Variants in CNNM4 observed in about 807,000 individuals in gnomAD.
CNNM4 encodes the protein metal transporter CNNM4.
CNNM4 carries 32 observed loss-of-function variants against 53.7 expected under a neutral mutation model. That is an observed-to-expected ratio of 0.60 (90% CI 0.45 to 0.80). CNNM4 has a LOEUF of 0.80. CNNM4 is among the 30% of genes least tolerant of loss of function. The pLI, the probability that CNNM4 is intolerant of heterozygous loss-of-function variation, is 0.00. For synonymous variants in CNNM4, 410 were observed against 440.0 expected, an observed-to-expected ratio of 0.93 and a Z score of 0.85; for missense variants, 784 against 1,022.0, an observed-to-expected ratio of 0.77 and a Z score of 3.17.
chr2:96,791,061 A>G (rs1191906450), intron 1 of CNNM4, among the ~76,000 whole-genome samples: 2 of 151,072 alleles, frequency 1.3e-5, no homozygotes, highest in Admixed American at 1.3e-4. Context: ...TGGAGGTTGC[A>G]GTAAGCTGAG....
chr2:96,805,418 G>GTTTTTTTTTTTTTTTTTTTTTTTTTTTTT (rs898761608), intron 5 of CNNM4, among the ~76,000 whole-genome samples: 3 of 76,156 alleles, frequency 3.9e-5, no homozygotes, highest in Non-Finnish European at 5.3e-5. Flanking sequence ...CTTCTTTTCA[G>GTTTTTTTTTTTTTTTTTTTTTTTTTTTTT]TTTTTTTTTT....
intron 1 of CNNM4, 100 bp from the exon 2 acceptor site, chr2:96,796,912 C>A: frequency 8.1e-7 from 1 of 1,227,106 alleles, no homozygotes; most frequent in Admixed American, 1.9e-5. Context: ...TGACCCCATC[C>A]TGGTGACTTA....
At chr2:96,774,850 A>G (rs1044618832) in intron 1 of CNNM4, among the ~76,000 whole-genome samples, 4 of 151,540 alleles carry the variant, frequency 2.6e-5, no homozygotes, top group Non-Finnish European at 4.4e-5. Context: ...ACTCCCAGCT[A>G]CTTGGGAGGC....
At chr2:96,792,245 CAAA>C (rs541024962) in intron 1 of CNNM4, among the ~76,000 whole-genome samples, 1 of 51,290 alleles carries the variant, frequency 1.9e-5, no homozygotes. Context: ...GACTCCAGCT[CAAA>C]AAAAAAAAAA....
intron 1 of CNNM4, among the ~76,000 whole-genome samples, chr2:96,794,099 T>C (rs1362915728): frequency 1.3e-5 from 2 of 152,144 alleles, no homozygotes; most frequent in East Asian, 1.9e-4. Context: ...TTTCTGACTT[T>C]GGGGGTCTGA....
rs2079257899 is a variant in CNNM4, at chr2:96,811,544, C to T, written c.*2027C>T. On this transcript the variant is annotated 3_prime_UTR_variant, in exon 7 of 7. Transcript: ENST00000377075. ...CCAAATATTGTTTGTCTGATGACTT[C>T]CTCTTCCCAGTGCAATTTTTCCCTT... is the stretch of plus-strand genomic sequence containing the variant. 1 of 152,590 alleles carries T rather than the reference C, an allele frequency of 6.6e-6. No individual in the cohort carries two copies. Among genetic ancestry groups the T allele is most frequent in the African/African-American group, 2.4e-5 (1 of 41,412 alleles). 9.5% of individuals were successfully genotyped at this position (152,590 alleles called of 1,614,324 possible). A position where few individuals can be genotyped will look rare whatever the true frequency, so the allele number is the denominator to read the frequency against.
rs375488702 is a variant in CNNM4, at chr2:96,800,128, G to A, written c.1948+480G>A. On this transcript the variant is annotated intron_variant, in intron 5 of 6. Coordinates refer to ENST00000377075, the MANE Select transcript of CNNM4 (RefSeq NM_020184.4). The surrounding 1 kb of genome is among the most constrained non-coding windows in gnomAD (Gnocchi z 4.6). ...TGGGTTTTGGTTAGAGGTCAGCTCC[G>A]ATGGAATAAAGGGCCTTGGGGACAG... 5.9e-5 allele frequency among the ~76,000 whole-genome samples: 9 copies of A among 152,264 alleles called. No individual in the cohort carries two copies. In the East Asian group the frequency reaches 1.4e-3, roughly 23 times the overall value.
At chr2:96,807,051 G>A (rs537025692) in intron 5 of CNNM4, among the ~76,000 whole-genome samples, 6 of 152,244 alleles carry the variant, frequency 3.9e-5, no homozygotes, top group East Asian at 3.9e-4. Flanking sequence ...GGTGTTCGGC[G>A]GGTGGACAGA....
At chr2:96,802,467 T>C (rs1425446810) in intron 5 of CNNM4, among the ~76,000 whole-genome samples, 2 of 152,254 alleles carry the variant, frequency 1.3e-5, no homozygotes, top group Admixed American at 6.5e-5. Flanking sequence ...CAAGCTTTGC[T>C]TCCCGTTCAG....
chr2:96,764,500 A>G (rs1018307987), intron 1 of CNNM4, among the ~76,000 whole-genome samples: 7 of 151,666 alleles, frequency 4.6e-5, no homozygotes, highest in African/African-American at 1.7e-4. Flanking sequence ...CCCACCCCCG[A>G]CAAATGAACA....
intron 1 of CNNM4, among the ~76,000 whole-genome samples, chr2:96,794,306 A>G (rs2079084992): frequency 6.6e-6 from 1 of 152,156 alleles, no homozygotes; most frequent in South Asian, 2.1e-4. Flanking sequence ...AAACATGCCC[A>G]TCAAATATAA....
At position 96,762,239 on chromosome 2, in the gene CNNM4, G is replaced by A; in HGVS notation, c.1240G>A (p.Glu414Lys). Residue 414 changes from glutamate to lysine, a missense_variant, in exon 1 of 7, where the codon GAG becomes AAG. By Grantham distance (56) the Glu-to-Lys change is moderately conservative (BLOSUM62 1). Around this residue, in one of 3 missense-constraint regions of CNNM4, gnomAD observed 473 missense variants for 624.6 expected, o/e 0.76. Transcript: ENST00000377075. ...GYTRIPVFED[E>K]QSNIVDILYV... Reference sequence around the variant, plus strand: ...TACTCGCATCCCGGTGTTCGAAGACGAGCAGTCCAATATTGTAGATATTCT... The same window carrying A: ...TACTCGCATCCCGGTGTTCGAAGACAAGCAGTCCAATATTGTAGATATTCT... 1 of 1,614,158 alleles carries A rather than the reference G, an allele frequency of 6.2e-7. No individual in the cohort carries two copies. The highest frequency in any genetic ancestry group is 8.5e-7 in the Non-Finnish European group (1 of 1,180,014).
chr2:96,806,527 A>G (rs2079208024), intron 5 of CNNM4, among the ~76,000 whole-genome samples: 1 of 142,212 alleles, frequency 7.0e-6, no homozygotes, highest in Non-Finnish European at 1.5e-5. Context: ...ACACACACAC[A>G]CACACACACG....
intron 1 of CNNM4, among the ~76,000 whole-genome samples, chr2:96,768,424 G>A (rs1353088593): frequency 6.6e-6 from 1 of 152,138 alleles, no homozygotes; most frequent in African/African-American, 2.4e-5. Flanking sequence ...CGTGAACAAC[G>A]CCTAGCTGCA....
chr2:96,764,831 CA>C (rs1299991886), intron 1 of CNNM4, among the ~76,000 whole-genome samples: 12 of 151,756 alleles, frequency 7.9e-5, no homozygotes, highest in Admixed American at 7.9e-4. Flanking sequence ...ACTAAAAATA[CA>C]AAAAATTATC....
intron 1 of CNNM4, among the ~76,000 whole-genome samples, chr2:96,778,866 T>C (rs1052545565): frequency 2.6e-5 from 4 of 152,232 alleles, no homozygotes; most frequent in Non-Finnish European, 5.9e-5. Flanking sequence ...AAAAACCATA[T>C]ATATTTGTGG....
chr2:96,762,286 T>C lies in CNNM4; in HGVS notation c.1287T>C (p.Phe429=), dbSNP rs757381861. 40 of 1,614,084 alleles carry C rather than the reference T, an allele frequency of 2.5e-5. No homozygotes were observed. In the African/African-American group the frequency reaches 5.2e-4, roughly 21 times the overall value. ...VDILYVKDLA[F]VDPDDCTPLK... ...TTCTCTACGTCAAAGACTTGGCCTT[T>C]GTGGACCCCGATGACTGCACCCCCC... The change falls in exon 1 of 7, where the codon TTT becomes TTC. Residue 429 remains phenylalanine (F), a synonymous_variant. Coordinates refer to ENST00000377075, the MANE Select transcript of CNNM4 (RefSeq NM_020184.4).
In CNNM4 at chr2:96,810,474, G is replaced by T; in HGVS notation, c.*957G>T. 6.5e-6 allele frequency: 1 copy of T among 152,768 alleles called. No homozygotes were observed. The highest frequency in any genetic ancestry group is 1.5e-5 in the Non-Finnish European group (1 of 68,068). 9.5% of individuals were successfully genotyped at this position (152,768 alleles called of 1,614,324 possible). On this transcript the variant is annotated 3_prime_UTR_variant, in exon 7 of 7. Transcript: ENST00000377075. The surrounding 1 kb of genome is among the most constrained non-coding windows in gnomAD (Gnocchi z 4.1). Reference sequence around the variant, plus strand: ...TGATTTGTCTGGGTTCTTCCTTTTGGTTCCAGAAGGAACTGTCAGTCATCA... The same window carrying T: ...TGATTTGTCTGGGTTCTTCCTTTTGTTTCCAGAAGGAACTGTCAGTCATCA...
At chr2:96,805,345 A>G (rs967650293) in intron 5 of CNNM4, among the ~76,000 whole-genome samples, 33 of 149,422 alleles carry the variant, frequency 2.2e-4, no homozygotes, top group Non-Finnish European at 4.6e-4. Context: ...AATAAAAATC[A>G]AAGCTTTACT....
Sources: allele counts gnomAD v4.1 joint callset (sites outside exome capture counted in the v4.1 genomes callset), GRCh38; gene constraint gnomAD v4.1.1; regional missense constraint gnomAD v4.1.1; non-coding constraint Gnocchi (gnomAD v3.1); transcripts MANE v1.5; gene names NCBI Gene and HGNC (gene_info 2026-07-23, HGNC 2026-07-21).